The following SNRK variants were observed in gnomAD, a reference collection of about 807,000 sequenced individuals.
The protein encoded by SNRK is SNF related kinase.
In SNRK, 3 loss-of-function variants were observed where a neutral mutation model predicts 48.2. The observed-to-expected ratio is 0.06, with a 90% CI of 0.03 to 0.16. The LOEUF is 0.16. Ranked by LOEUF, SNRK falls within the 10% of genes least tolerant of loss-of-function variation. The pLI is 1.00. For missense variants in SNRK, 627 were observed against 976.0 expected (o/e 0.64, Z 4.76); for synonymous variants, 376 against 366.1 (o/e 1.03, Z -0.31).
chr3:43,337,249 A>AAT, intron 4 of SNRK, among the ~76,000 whole-genome samples: 1 of 142,916 alleles, frequency 7.0e-6, no homozygotes, highest in East Asian at 2.2e-4. Flanking sequence ...AATTTTTTGT[A>AAT]TTTTTAGTAG....
chr3:43,297,138 T>C (rs978097481), intron 1 of SNRK, among the ~76,000 whole-genome samples: 1 of 152,114 alleles, frequency 6.6e-6, no homozygotes, highest in African/African-American at 2.4e-5. Context: ...AAAATATTGA[T>C]CTAGAAGAAC....
At chr3:43,291,027 A>G (rs1349450919) in intron 1 of SNRK, among the ~76,000 whole-genome samples, 2 of 152,122 alleles carry the variant, frequency 1.3e-5, no homozygotes, top group African/African-American at 2.4e-5. Context: ...CTGTATGTGC[A>G]TGGAGTTGGG....
chr3:43,307,910 G>A (rs1185187035), intron 3 of SNRK, among the ~76,000 whole-genome samples: 1 of 152,190 alleles, frequency 6.6e-6, no homozygotes, highest in Non-Finnish European at 1.5e-5. Context: ...GCACCTAATA[G>A]CCAAGTTATG....
chr3:43,348,070 G>A lies in SNRK; in HGVS notation c.1811G>A (p.Gly604Asp). The change falls in exon 7 of 7, where the codon GGT becomes GAT. Residue 604 changes from glycine to aspartate, a missense_variant. Around this residue, in one of 4 missense-constraint regions of SNRK, gnomAD observed 207 missense variants for 234.3 expected, o/e 0.88. Transcript: ENST00000296088. The part of the protein sequence containing the change: ...DKASPSENNA[G>D]GGSPSSGSGG... Reference sequence around the variant, plus strand: ...GCCAGCCCCAGTGAGAACAATGCTGGTGGGGGCAGTCCCTCCAGCGGCTCG... The same window carrying A: ...GCCAGCCCCAGTGAGAACAATGCTGATGGGGGCAGTCCCTCCAGCGGCTCG... 6.2e-7 allele frequency: 1 copy of A among 1,601,050 alleles called. No homozygotes were observed. Among genetic ancestry groups the A allele is most frequent in the Non-Finnish European group, 8.5e-7 (1 of 1,173,432 alleles).
intron 4 of SNRK, among the ~76,000 whole-genome samples, chr3:43,338,651 T>G (rs2125644071): frequency 6.6e-6 from 1 of 152,368 alleles, no homozygotes; most frequent in East Asian, 1.9e-4. Context: ...CTCTGTCCTC[T>G]TCTTTTTATA....
At chr3:43,288,260 C>T (rs2090781665) in intron 1 of SNRK, among the ~76,000 whole-genome samples, 1 of 152,130 alleles carries the variant, frequency 6.6e-6, no homozygotes, top group African/African-American at 2.4e-5. Context: ...TTTGTATAAT[C>T]AGTTTTTAAT....
At chr3:43,329,433 G>A (rs1044745331) in intron 3 of SNRK, among the ~76,000 whole-genome samples, 3 of 150,610 alleles carry the variant, frequency 2.0e-5, no homozygotes, top group African/African-American at 4.9e-5. Flanking sequence ...GCGAGACTCC[G>A]TCTCAAAAAA....
Position 43,348,475 on chromosome 3 carries a change from C to T in SNRK, c.2216C>T (p.Thr739Ile). 1.2e-6 allele frequency: 2 copies of T among 1,605,260 alleles called. No homozygotes were observed. Among genetic ancestry groups the T allele is most frequent in the Non-Finnish European group, 1.7e-6 (2 of 1,176,096 alleles). ...CTGCAGCTACCTCTGTGCGAAAAGA[C>T]CATCTCTGTGAACATCCAGCGGAAC... ...NVLQLPLCEK[T>I]ISVNIQRNPK... Residue 739 changes from threonine (T) to isoleucine (I), a missense_variant, in exon 7 of 7, where the codon ACC becomes ATC. Around this residue, in one of 4 missense-constraint regions of SNRK, gnomAD observed 207 missense variants for 234.3 expected, o/e 0.88. Coordinates refer to ENST00000296088, the MANE Select transcript of SNRK (RefSeq NM_017719.5).
intron 3 of SNRK, among the ~76,000 whole-genome samples, chr3:43,320,774 A>G (rs2091047691): frequency 6.6e-6 from 1 of 152,070 alleles, no homozygotes; most frequent in Admixed American, 6.5e-5. Context: ...AATCATTTTT[A>G]GGAACATTTG....
rs1235925342 is a variant in SNRK, at chr3:43,348,430, A to G, written c.2171A>G (p.Lys724Arg). Residue 724 changes from lysine (K) to arginine (R), a missense_variant, in exon 7 of 7, where the codon AAG becomes AGG. Lys to Arg is a conservative substitution (Grantham distance 26). This residue lies in a region of SNRK where 207 missense variants were observed against 234.3 expected (regional missense o/e 0.88). Transcript: ENST00000296088. ...ACTGAATTGGAACGGATAAAGAGCA[A>G]GAACCTGAAAAATAACGTGCTGCAG... ...TTTELERIKS[K>R]NLKNNVLQLP... is the part of the protein sequence containing the mutation. The G allele has an allele frequency of 6.2e-7, 1 of 1,612,214 alleles. No individual in the cohort carries two copies. Among genetic ancestry groups the G allele is most frequent in the African/African-American group, 1.3e-5 (1 of 74,812 alleles).
Position 43,340,514 on chromosome 3 carries a change from G to T in SNRK, c.944+15G>T. On this transcript the variant is annotated intron_variant, in intron 5 of 6. Transcript: ENST00000296088. ...GCCATTGTAGAGTACGTCAATGCCC[G>T]TCAGTACAGAGGGCCACAGGTTTAG... The T allele has an allele frequency of 6.2e-7, 1 of 1,608,756 alleles. No homozygotes were observed. Among genetic ancestry groups the T allele is most frequent in the Non-Finnish European group, 8.5e-7 (1 of 1,175,542 alleles).
chr3:43,306,699 A>G (rs2090940562), intron 3 of SNRK, among the ~76,000 whole-genome samples: 1 of 152,206 alleles, frequency 6.6e-6, no homozygotes, highest in Admixed American at 6.5e-5. Context: ...CTTTAATGCT[A>G]TATGATGCCC....
chr3:43,296,890 A>G (rs1031622295), intron 1 of SNRK, among the ~76,000 whole-genome samples: 7 of 152,200 alleles, frequency 4.6e-5, no homozygotes, highest in African/African-American at 1.4e-4. Flanking sequence ...AGCCACACCC[A>G]CATGCTTCAG....
intron 1 of SNRK, among the ~76,000 whole-genome samples, chr3:43,294,180 A>G (rs1421961161): frequency 6.6e-6 from 1 of 152,192 alleles, no homozygotes; most frequent in Non-Finnish European, 1.5e-5. Flanking sequence ...TTTCTTTGAG[A>G]CATGAATCTA....
intron 2 of SNRK, among the ~76,000 whole-genome samples, chr3:43,301,612 ATAGCAGTTTT>A (rs1349935865): frequency 6.6e-6 from 1 of 152,198 alleles, no homozygotes; most frequent in Non-Finnish European, 1.5e-5. Context: ...ATAAAAATAA[ATAGCAGTTTT>A]TAAAAATTAA....
rs1344533622 is a variant in SNRK, at chr3:43,350,986, T to C, written c.*2429T>C. 2 of 152,554 alleles carry C rather than the reference T, an allele frequency of 1.3e-5. No individual in the cohort carries two copies. Among genetic ancestry groups the C allele is most frequent in the Admixed American group, 6.6e-5 (1 of 15,258 alleles). The allele number at this position is 152,554 out of a possible 1,614,324, so 9.5% of individuals were successfully genotyped here. A position where few individuals can be genotyped will look rare whatever the true frequency, so the allele number is the denominator to read the frequency against. ...AAAGATAATCCCTACCAAGTGAAAA[T>C]TGATGTGTGTTAAGAGGGTACAGAA... On this transcript the variant is annotated 3_prime_UTR_variant, in exon 7 of 7. Coordinates refer to ENST00000296088, the MANE Select transcript of SNRK (RefSeq NM_017719.5).
rs2091307929 is a variant in SNRK at position 43,349,668 on chromosome 3, ATTGT to A, written c.*1114_*1117del. On this transcript the variant is annotated 3_prime_UTR_variant, in exon 7 of 7. Coordinates refer to ENST00000296088, the MANE Select transcript of SNRK (RefSeq NM_017719.5). Reference sequence around the variant, plus strand: ...CTGCTTCGTAACTTTTTTTTCTGGAATTGTTTTTCACTTTGCCTTTTTCTGCCAA... The same window carrying A: ...CTGCTTCGTAACTTTTTTTTCTGGAATTTTCACTTTGCCTTTTTCTGCCAA... 6.6e-6 allele frequency: 1 copy of A among 152,200 alleles called. No homozygotes were observed. Among genetic ancestry groups the A allele is most frequent in the African/African-American group, 2.4e-5 (1 of 41,434 alleles). 9.4% of individuals were successfully genotyped at this position (152,200 alleles called of 1,614,324 possible).
intron 3 of SNRK, among the ~76,000 whole-genome samples, 160 bp from the exon 4 acceptor site, chr3:43,332,009 C>G (rs1392982527): frequency 6.6e-6 from 1 of 152,156 alleles, no homozygotes; most frequent in Non-Finnish European, 1.5e-5. Context: ...AGATAGACAC[C>G]TTCCCTGCCC....
At chr3:43,305,007 A>C (rs1481909846) in intron 3 of SNRK, among the ~76,000 whole-genome samples, 1 of 152,160 alleles carries the variant, frequency 6.6e-6, no homozygotes, top group Non-Finnish European at 1.5e-5. Flanking sequence ...ACAAATGTCT[A>C]CCCAAGAAAA....
Sources: allele counts gnomAD v4.1 joint callset (sites outside exome capture counted in the v4.1 genomes callset), GRCh38; gene constraint gnomAD v4.1.1; regional missense constraint gnomAD v4.1.1; transcripts MANE v1.5; gene names NCBI Gene and HGNC (gene_info 2026-07-23, HGNC 2026-07-21).